DNAH14: variants seen among roughly 807,000 people sequenced by gnomAD.
The protein encoded by DNAH14 is dynein axonemal heavy chain 14.
In DNAH14, 478 loss-of-function variants were observed where a neutral mutation model predicts 520.9. The observed-to-expected ratio is 0.92, with a 90% CI of 0.85 to 0.99. DNAH14 has a LOEUF of 0.99. Among genes scored for constraint, DNAH14 ranks in the 50% least tolerant of loss-of-function variants. The pLI is 0.00. For missense variants in DNAH14, 4,831 were observed against 5,234.5 expected, an observed-to-expected ratio of 0.92 and a Z score of 2.38; for synonymous variants, 1,581 against 1,757.2, an observed-to-expected ratio of 0.90 and a Z score of 2.51.
intron 1 of DNAH14, among the ~76,000 whole-genome samples, chr1:224,937,511 C>T (rs1012793211): frequency 6.6e-6 from 1 of 151,710 alleles, no homozygotes; most frequent in Non-Finnish European, 1.5e-5. Context: ...AATGAAAGTT[C>T]TATACAAGAA....
At chr1:225,152,956 T>C (rs569928553) in intron 33 of DNAH14, 73 bp downstream of exon 33, 3 of 1,464,846 alleles carry the variant, frequency 2.0e-6, no homozygotes, top group African/African-American at 2.9e-5. Flanking sequence ...CTTTTCTGGA[T>C]TGGTCCAGGG....
chr1:225,182,724 A>T (rs1332408873), intron 36 of DNAH14, among the ~76,000 whole-genome samples: 2 of 152,166 alleles, frequency 1.3e-5, no homozygotes, highest in African/African-American at 4.8e-5. Flanking sequence ...ACGATAAAAG[A>T]CAACACCAGG....
At chr1:225,192,620 A>G in intron 37 of DNAH14, 76 bp from the exon 38 acceptor site, 4 of 1,062,350 alleles carry the variant, frequency 3.8e-6, no homozygotes, top group Non-Finnish European at 5.4e-6. Context: ...ATAACCTTTT[A>G]ATAATAAGAA....
chr1:225,365,233 AT>A (rs1372524815), intron 76 of DNAH14, among the ~76,000 whole-genome samples: 1 of 152,138 alleles, frequency 6.6e-6, no homozygotes, highest in East Asian at 1.9e-4. Context: ...TTTATTATTA[AT>A]TCTCTAGAAA....
intron 41 of DNAH14, among the ~76,000 whole-genome samples, chr1:225,215,150 T>TAGCTAA (rs1164274765): frequency 2.4e-4 from 35 of 147,584 alleles, no homozygotes; most frequent in Non-Finnish European, 4.2e-4. Flanking sequence ...TATTTCTGCC[T>TAGCTAA]TCATTTCGTT....
intron 73 of DNAH14, chr1:225,357,702 A>G (rs1484862475): frequency 3.7e-5 from 25 of 680,524 alleles, no homozygotes; most frequent in Non-Finnish European, 6.1e-5. Flanking sequence ...CATATTGCCA[A>G]TATTTGACAG....
chr1:225,246,573 T>C (rs1001721779), intron 43 of DNAH14, among the ~76,000 whole-genome samples: 1 of 152,110 alleles, frequency 6.6e-6, no homozygotes, highest in African/African-American at 2.4e-5. Flanking sequence ...GTAAAAGATA[T>C]GAACAGACAC....
chr1:225,178,665 T>A (rs2083615534), intron 36 of DNAH14, among the ~76,000 whole-genome samples: 1 of 152,196 alleles, frequency 6.6e-6, no homozygotes, highest in South Asian at 2.1e-4. Flanking sequence ...TCTTCTCAGA[T>A]GAGACTTTGG....
intron 23 of DNAH14, among the ~76,000 whole-genome samples, chr1:225,103,095 G>A (rs1573094675): frequency 6.6e-6 from 1 of 152,176 alleles, no homozygotes; most frequent in East Asian, 1.9e-4. Context: ...TCCAGTTTCA[G>A]CTTTCTACAT....
chr1:224,958,173 T>A (rs1337921823), intron 3 of DNAH14, among the ~76,000 whole-genome samples: 3 of 151,964 alleles, frequency 2.0e-5, no homozygotes, highest in Non-Finnish European at 4.4e-5. Flanking sequence ...GGCTTTGAGA[T>A]CATTTAGAGG....
chr1:225,020,894 A>G (rs2148008214), intron 10 of DNAH14, among the ~76,000 whole-genome samples: 1 of 152,312 alleles, frequency 6.6e-6, no homozygotes, highest in South Asian at 2.1e-4. Context: ...CCTAATGAAC[A>G]CAGACACACA....
intron 79 of DNAH14, among the ~76,000 whole-genome samples, 159 bp from the exon 80 acceptor site, chr1:225,380,000 T>C (rs2095759767): frequency 6.6e-6 from 1 of 152,204 alleles, no homozygotes. Flanking sequence ...TATTTGAAGA[T>C]GTATAATCTA....
chr1:225,136,161 G>T (rs998939258), intron 27 of DNAH14, among the ~76,000 whole-genome samples: 3 of 152,140 alleles, frequency 2.0e-5, no homozygotes, highest in African/African-American at 7.2e-5. Context: ...TACATTTAAG[G>T]TTAGTATTGT....
intron 60 of DNAH14, among the ~76,000 whole-genome samples, chr1:225,314,730 A>C (rs1425855000): frequency 6.6e-6 from 1 of 152,188 alleles, no homozygotes; most frequent in Non-Finnish European, 1.5e-5. Context: ...TTCTTGGTTG[A>C]AAATTATTTT....
intron 38 of DNAH14, among the ~76,000 whole-genome samples, 161 bp downstream of exon 38, chr1:225,193,072 A>C (rs2085657481): frequency 6.6e-6 from 1 of 152,166 alleles, no homozygotes; most frequent in South Asian, 2.1e-4. Context: ...TATGTTATTA[A>C]AAAATGGAAA....
intron 38 of DNAH14, among the ~76,000 whole-genome samples, chr1:225,201,833 C>G (rs911683343): frequency 5.4e-5 from 8 of 148,618 alleles, no homozygotes; most frequent in Non-Finnish European, 8.9e-5. Flanking sequence ...TATTTTTGTG[C>G]TTGTTGGCCT....
intron 11 of DNAH14, among the ~76,000 whole-genome samples, chr1:225,036,196 C>T (rs543029419): frequency 1.7e-4 from 26 of 152,118 alleles, no homozygotes; most frequent in African/African-American, 5.5e-4. Flanking sequence ...AGTGCAATGG[C>T]GAGATCTTGG....
intron 36 of DNAH14, among the ~76,000 whole-genome samples, chr1:225,179,649 C>A (rs985311399): frequency 4.6e-5 from 7 of 152,164 alleles, no homozygotes; most frequent in Admixed American, 4.6e-4. Context: ...ATTTTACACA[C>A]CACAATTACA....
At chr1:225,238,910 G>C (rs370420609) in intron 42 of DNAH14, among the ~76,000 whole-genome samples, 1 of 152,308 alleles carries the variant, frequency 6.6e-6, no homozygotes, top group East Asian at 1.9e-4. Context: ...ATCTGGCAAA[G>C]CAGCTGTACT....
Sources: allele counts gnomAD v4.1 joint callset (sites outside exome capture counted in the v4.1 genomes callset), GRCh38; gene constraint gnomAD v4.1.1; transcripts MANE v1.5; gene names NCBI Gene and HGNC (gene_info 2026-07-23, HGNC 2026-07-21).